The following SUPT7L variants were observed in gnomAD, a reference collection of about 807,000 sequenced individuals.
SUPT7L encodes the protein STAGA complex 65 subunit gamma.
A neutral mutation model predicts 35.7 loss-of-function variants in SUPT7L; 15 were observed. The observed-to-expected ratio is 0.42, with a 90% confidence interval of 0.28 to 0.65. SUPT7L has a LOEUF of 0.65. SUPT7L is among the 30% of genes least tolerant of loss of function. The probability of loss-of-function intolerance (pLI) is 0.23; values close to 1 mark genes in which losing one functional copy is unlikely to be tolerated. For missense variants in SUPT7L, 434 were observed against 522.2 expected (o/e 0.83, Z 1.65); for synonymous variants, 168 against 186.2 (o/e 0.90, Z 0.79).
At chr2:27,644,491 G>T in the SUPT7L span, among the ~76,000 whole-genome samples, 14 of 152,092 alleles carry the variant, frequency 9.2e-5, no homozygotes, top group African/African-American at 3.4e-4. Context: ...GGGATTTTAA[G>T]TCACAGTTAG....
intron 4 of SUPT7L, among the ~76,000 whole-genome samples, chr2:27,656,514 C>T (rs2148114083): frequency 6.6e-6 from 1 of 152,244 alleles, no homozygotes; most frequent in African/African-American, 2.4e-5. Flanking sequence ...TGGCCTCAAA[C>T]AATCCTCCCA....
In SUPT7L at chr2:27,660,377, C is replaced by A. The variant is rs538560074; in HGVS notation, c.419+607G>T. On this transcript the variant is annotated intron_variant, in intron 3 of 5. Coordinates refer to ENST00000337768, the MANE Select transcript of SUPT7L (RefSeq NM_014860.3). ...TAGCTGGGACTACAGATGTGCGCCACTACACCTGACTAATTTTTGTATTTT... is the reference window on the plus strand; with the variant it reads ...TAGCTGGGACTACAGATGTGCGCCAATACACCTGACTAATTTTTGTATTTT... 6.6e-5 allele frequency among the ~76,000 whole-genome samples: 10 copies of A among 152,134 alleles called. No homozygotes were observed. The East Asian group carries it at 1.7e-3, about 26-fold the overall frequency.
chr2:27,661,033 T>C lies in SUPT7L; in HGVS notation c.370A>G (p.Asn124Asp). The change falls in exon 3 of 6, where the codon AAT (asparagine) becomes GAT (aspartate). Residue 124 changes from asparagine (N) to aspartate (D), a missense_variant. Coordinates refer to ENST00000337768, the MANE Select transcript of SUPT7L (RefSeq NM_014860.3). ...CTGTGCCGGATCTGGAATGGTGCAT[T>C]GGGATTCTTACAATCTAAAGGCAGG... ...DLLPLDCKNP[N>D]APFQIRHSDP... 1.9e-6 allele frequency: 3 copies of C among 1,614,148 alleles called. No individual in the cohort carries two copies. The highest frequency in any genetic ancestry group is 2.5e-6 in the Non-Finnish European group (3 of 1,180,016).
rs752908779 is a variant in SUPT7L, at chr2:27,657,567, A to T, written c.522T>A (p.Ala174=). 25 of 1,614,148 alleles carry T rather than the reference A, an allele frequency of 1.5e-5. No individual in the cohort carries two copies. The South Asian group carries it at 2.7e-4, about 18-fold the overall frequency. Residue 174 remains alanine (A), a synonymous_variant, in exon 4 of 6, where the codon GCT becomes GCA. Transcript: ENST00000337768. This position sits in a 1 kb window ranked among gnomAD's most constrained non-coding sequence, Gnocchi z 5.2. ...TTAGGGTCTCCAGGACACTCTCATT[A>T]GCACAGTCAAAGCCCGCGTGGGCCA... ...TILAHAGFDC[A]NESVLETLTD...
chr2:27,643,197 A>AT, the SUPT7L span, among the ~76,000 whole-genome samples: 185 of 144,460 alleles, frequency 1.3e-3, no homozygotes, highest in Admixed American at 1.2e-3. The surrounding 1 kb of genome is among the most constrained non-coding windows in gnomAD (Gnocchi z 4.0). Flanking sequence ...ATTAAAAAAA[A>AT]TTTTTTTTTT....
At chr2:27,650,294 TA>T (rs1320406464), downstream of SUPT7L, 2 of 663,418 alleles carry the variant, frequency 3.0e-6, no homozygotes, top group East Asian at 2.7e-5. Flanking sequence ...GGGGCTCCCA[TA>T]AGGGATAATT....
downstream of SUPT7L, among the ~76,000 whole-genome samples, chr2:27,648,372 A>T (rs1225693957): frequency 3.9e-5 from 6 of 152,078 alleles, no homozygotes; most frequent in Non-Finnish European, 7.4e-5. Flanking sequence ...AGAAAAAAAT[A>T]GCTGGGCATG....
intron 2 of SUPT7L, chr2:27,661,933 T>C (rs958568058): frequency 1.6e-5 from 9 of 568,126 alleles, no homozygotes; most frequent in Admixed American, 6.3e-5. Flanking sequence ...TGGAAAAATT[T>C]ATGAACCATT....
rs1674865957 is a variant in SUPT7L at position 27,657,606 on chromosome 2, T to C, written c.483A>G (p.Ala161=). Residue 161 remains alanine (A), a synonymous_variant, in exon 4 of 6, where the codon GCA becomes GCG. Coordinates refer to ENST00000337768, the MANE Select transcript of SUPT7L (RefSeq NM_014860.3). The surrounding 1 kb of genome is among the most constrained non-coding windows in gnomAD (Gnocchi z 5.2). ...WHSCRQLLYQ[A]VATILAHAGF... ...CCGCGTGGGCCAGGATTGTGGCCAC[T>C]GCCTGGTAGAGGAGCTGCCGACAGG... 1.9e-6 allele frequency: 3 copies of C among 1,614,218 alleles called. No individual in the cohort carries two copies. The highest frequency in any genetic ancestry group is 2.5e-6 in the Non-Finnish European group (3 of 1,180,022).
At chr2:27,660,609 A>G (rs1046121390) in intron 3 of SUPT7L, among the ~76,000 whole-genome samples, 3 of 152,192 alleles carry the variant, frequency 2.0e-5, no homozygotes, top group African/African-American at 7.2e-5. Flanking sequence ...TCCTAAAAAT[A>G]CCAGAATAAG....
chr2:27,657,775 TC>T lies in SUPT7L; in HGVS notation c.420-107del. On this transcript the variant is annotated intron_variant, in intron 3 of 5. Coordinates refer to ENST00000337768, the MANE Select transcript of SUPT7L (RefSeq NM_014860.3). The surrounding 1 kb of genome is among the most constrained non-coding windows in gnomAD (Gnocchi z 5.2). ...TCCAGTCAAGCCACTGGCCTAGCTT[TC>T]CAGGGAAATTCCATCCAAGTTACAT... The T allele has an allele frequency of 9.0e-7, 1 of 1,108,748 alleles. No homozygotes were observed. Among genetic ancestry groups the T allele is most frequent in the Non-Finnish European group, 1.3e-6 (1 of 791,478 alleles). 68.7% of individuals were successfully genotyped at this position (1,108,748 alleles called of 1,614,324 possible).
Position 27,653,381 on chromosome 2 carries a change from T to C in SUPT7L, c.*104A>G. On this transcript the variant is annotated 3_prime_UTR_variant, in exon 6 of 6. Coordinates refer to ENST00000337768, the MANE Select transcript of SUPT7L (RefSeq NM_014860.3). ...TGGAATTAGGAAAAACCACTTGTGT[T>C]TAAGAACAGGAGTCAAATCAATTTT... is the stretch of plus-strand genomic sequence containing the variant. 1 of 1,475,798 alleles carries C rather than the reference T, an allele frequency of 6.8e-7. No homozygotes were observed. The highest frequency in any genetic ancestry group is 9.0e-7 in the Non-Finnish European group (1 of 1,109,322). The allele number at this position is 1,475,798 out of a possible 1,614,324, so 91.4% of individuals were successfully genotyped here.
chr2:27,662,408 C>T (rs1675153804), intron 1 of SUPT7L, 127 bp from the exon 2 acceptor site: 1 of 536,730 alleles, frequency 1.9e-6, no homozygotes, highest in Non-Finnish European at 3.4e-6. Flanking sequence ...AAATGACTAC[C>T]TTTGTTCTAA....
Position 27,652,908 on chromosome 2 carries a change from T to C in SUPT7L, c.*577A>G, listed in dbSNP as rs891634315. On this transcript the variant is annotated 3_prime_UTR_variant, in exon 6 of 6. Coordinates refer to ENST00000337768, the MANE Select transcript of SUPT7L (RefSeq NM_014860.3). ...AGCAAAAAAGGTGTCAGACCTCTGA[T>C]CTTATAAATAAGACACTTCAAAAGT... is the stretch of plus-strand genomic sequence containing the variant. 1 of 154,074 alleles carries C rather than the reference T, an allele frequency of 6.5e-6. No individual in the cohort carries two copies. Among genetic ancestry groups the C allele is most frequent in the African/African-American group, 2.4e-5 (1 of 41,450 alleles). The allele number at this position is 154,074 out of a possible 1,614,324, so 9.5% of individuals were successfully genotyped here. A position where few individuals can be genotyped will look rare whatever the true frequency, so the allele number is the denominator to read the frequency against.
chr2:27,655,370 G>A lies in SUPT7L; in HGVS notation c.977C>T (p.Ala326Val). ...SNLEVEASPQ[A>V]SSAEVNASPL... ...AGTAAGTTTATTTGTCTTACTTGAA[G>A]CCTGTGGTGAAGCTTCAACCTCCAG... Residue 326 changes from alanine to valine, a missense_variant, in exon 5 of 6, where the codon GCT becomes GTT. Transcript: ENST00000337768. The A allele has an allele frequency of 6.4e-7, 1 of 1,558,380 alleles. No individual in the cohort carries two copies. The highest frequency in any genetic ancestry group is 1.2e-5 in the South Asian group (1 of 82,872).
At chr2:27,644,722 TG>T in the SUPT7L span, among the ~76,000 whole-genome samples, 12 of 143,652 alleles carry the variant, frequency 8.4e-5, no homozygotes, top group East Asian at 1.0e-3. Flanking sequence ...TTTTTGGTAG[TG>T]TTTTTTTTTT....
chr2:27,646,043 T>A (rs139919251), downstream of SUPT7L, among the ~76,000 whole-genome samples: 2 of 151,284 alleles, frequency 1.3e-5, no homozygotes, highest in Non-Finnish European at 2.9e-5. Flanking sequence ...AATTTATGTA[T>A]GTATGTATTT....
At chr2:27,647,260 T>G (rs1339234386), downstream of SUPT7L, among the ~76,000 whole-genome samples, 9 of 151,832 alleles carry the variant, frequency 5.9e-5, no homozygotes, top group Admixed American at 5.9e-4. Flanking sequence ...TGATTAGACT[T>G]CTCTCTGATT....
rs1220950281 is a variant in SUPT7L, at chr2:27,652,743, G to A, written c.*742C>T. The A allele has an allele frequency of 1.4e-4, 22 of 152,790 alleles. No homozygotes were observed. The highest frequency in any genetic ancestry group is 2.9e-4 in the Non-Finnish European group (20 of 68,056). 9.5% of individuals were successfully genotyped at this position (152,790 alleles called of 1,614,324 possible). On this transcript the variant is annotated 3_prime_UTR_variant, in exon 6 of 6. Transcript: ENST00000337768. Reference sequence around the variant, plus strand: ...GTACTTGTTTGCTTTGCTCACAAAGGAGAAAAGGAAAGAAACAATTGAAAA... The same window carrying A: ...GTACTTGTTTGCTTTGCTCACAAAGAAGAAAAGGAAAGAAACAATTGAAAA...
Sources: gnomAD v4.1 joint callset for allele counts (sites outside exome capture counted in the v4.1 genomes callset) on GRCh38, gnomAD v4.1.1 for gene constraint, Gnocchi (gnomAD v3.1) non-coding constraint, MANE v1.5 for transcripts, NCBI Gene and HGNC (gene_info 2026-07-23, HGNC 2026-07-21) for gene names.